The following SDK1 variants were observed in gnomAD, a reference collection of about 807,000 sequenced individuals.
SDK1 encodes the protein sidekick cell adhesion molecule 1, also known as protein sidekick-1.
Under a neutral mutation model 245.5 loss-of-function variants are expected in SDK1, and 157 were observed. The observed-to-expected ratio is 0.64, with a 90% CI of 0.56 to 0.73. The LOEUF (loss-of-function observed/expected upper bound fraction) is 0.73, where lower values mean the gene tolerates loss of function less well. Among genes scored for constraint, SDK1 ranks in the 30% least tolerant of loss-of-function variants. The pLI is 0.00. For synonymous variants in SDK1, 1,647 were observed against 1,278.5 expected, an observed-to-expected ratio of 1.29 and a Z score of -6.15; for missense variants, 3,583 against 3,002.3, an observed-to-expected ratio of 1.19 and a Z score of -4.52.
chr7:3,510,582 A>G (rs1782547263), intron 1 of SDK1, among the ~76,000 whole-genome samples: 1 of 152,190 alleles, frequency 6.6e-6, no homozygotes, highest in Admixed American at 6.5e-5. Flanking sequence ...AGGTTACAGA[A>G]AGAATACAGG....
chr7:4,217,321 CACCAGGCCACCCGGAGA>C (rs1784869358), intron 38 of SDK1, among the ~76,000 whole-genome samples: 1 of 124,762 alleles, frequency 8.0e-6, no homozygotes, highest in Non-Finnish European at 1.7e-5. Flanking sequence ...CCACCCGGAG[CACCAGGCCACCCGGAGA>C]ACCACGCCAC....
At chr7:3,487,401 A>G (rs1583934444) in intron 1 of SDK1, among the ~76,000 whole-genome samples, 1 of 152,094 alleles carries the variant, frequency 6.6e-6, no homozygotes, top group Non-Finnish European at 1.5e-5. Context: ...CAACAAGCAC[A>G]ATATTGTGAA....
intron 5 of SDK1, among the ~76,000 whole-genome samples, chr7:3,948,038 T>C (rs1040737512): frequency 3.9e-5 from 6 of 152,160 alleles, no homozygotes; most frequent in Non-Finnish European, 8.8e-5. Context: ...AGGAAGAAAA[T>C]ATACCAGGAT....
chr7:4,233,199 G>A (rs1305739675), intron 40 of SDK1, 56 bp from the exon 41 acceptor site: 7 of 1,550,434 alleles, frequency 4.5e-6, no homozygotes, highest in Middle Eastern at 3.4e-4. Flanking sequence ...CATGGGGCTC[G>A]CATCTGGGAC....
intron 9 of SDK1, among the ~76,000 whole-genome samples, chr7:3,966,120 C>T (rs969271442): frequency 3.3e-5 from 5 of 151,982 alleles, no homozygotes; most frequent in Non-Finnish European, 5.9e-5. Context: ...CTGACACAGG[C>T]ACAGAAGTGT....
intron 5 of SDK1, among the ~76,000 whole-genome samples, chr7:3,877,891 G>A (rs1374464205): frequency 6.8e-6 from 1 of 148,072 alleles, no homozygotes; most frequent in Non-Finnish European, 1.5e-5. Context: ...GTTACTTGCA[G>A]TGAACTGCAG....
intron 1 of SDK1, among the ~76,000 whole-genome samples, chr7:3,580,542 G>A (rs892282606): frequency 6.6e-6 from 1 of 152,142 alleles, no homozygotes; most frequent in East Asian, 1.9e-4. Flanking sequence ...AAGAAATGGG[G>A]AAAGGATTCC....
At chr7:3,955,429 AAG>A (rs1781182223) in intron 7 of SDK1, among the ~76,000 whole-genome samples, 1 of 152,180 alleles carries the variant, frequency 6.6e-6, no homozygotes, top group African/African-American at 2.4e-5. Flanking sequence ...CAGCGAATCC[AAG>A]AGAGTCTCCC....
chr7:4,101,304 G>A (rs997088014), intron 22 of SDK1, among the ~76,000 whole-genome samples: 8 of 152,114 alleles, frequency 5.3e-5, no homozygotes, highest in Admixed American at 2.6e-4. Flanking sequence ...ACCACACCAC[G>A]CCCGGCTAAT....
chr7:3,838,787 A>G (rs900832754), intron 5 of SDK1, among the ~76,000 whole-genome samples: 20 of 152,296 alleles, frequency 1.3e-4, no homozygotes, highest in African/African-American at 4.8e-4. Context: ...GTGGGTGTCG[A>G]TCAAAATGTT....
At chr7:3,735,322 G>C (rs1055523317) in intron 4 of SDK1, among the ~76,000 whole-genome samples, 3 of 152,088 alleles carry the variant, frequency 2.0e-5, no homozygotes, top group African/African-American at 7.2e-5. Flanking sequence ...GTGACTCTCT[G>C]ATTCCCCTTC....
chr7:3,435,279 C>T (rs907441202), intron 1 of SDK1, among the ~76,000 whole-genome samples: 12 of 145,566 alleles, frequency 8.2e-5, no homozygotes, highest in Non-Finnish European at 1.3e-4. Flanking sequence ...GTGTGATCAC[C>T]AAATCCACCT....
At chr7:3,410,846 C>T (rs572532997) in intron 1 of SDK1, among the ~76,000 whole-genome samples, 11 of 152,180 alleles carry the variant, frequency 7.2e-5, no homozygotes, top group African/African-American at 2.4e-4. Flanking sequence ...CTCGGCCTCC[C>T]ACGGTGCTGG....
chr7:3,473,249 A>T (rs1339620207), intron 1 of SDK1, among the ~76,000 whole-genome samples: 1 of 152,182 alleles, frequency 6.6e-6, no homozygotes, highest in Non-Finnish European at 1.5e-5. Flanking sequence ...CAAGCCTTTC[A>T]CTGTACACAC....
intron 5 of SDK1, among the ~76,000 whole-genome samples, chr7:3,946,358 T>A (rs958920141): frequency 1.7e-4 from 26 of 152,240 alleles, no homozygotes; most frequent in African/African-American, 6.0e-4. Flanking sequence ...AAAAATTATT[T>A]TTGTAGACAT....
chr7:3,929,285 G>A (rs760627980), intron 5 of SDK1, among the ~76,000 whole-genome samples: 26 of 152,102 alleles, frequency 1.7e-4, no homozygotes, highest in East Asian at 5.8e-4. Flanking sequence ...CAGATTCCTC[G>A]GTGTGTTGTG....
At chr7:3,642,371 A>G (rs568721460) in intron 4 of SDK1, among the ~76,000 whole-genome samples, 39 of 152,150 alleles carry the variant, frequency 2.6e-4, no homozygotes, top group African/African-American at 9.4e-4. Flanking sequence ...TTTGCAGTCC[A>G]TTTTTTTCTT....
In SDK1 at chr7:3,509,186, A is replaced by G. The variant is rs114528420; in HGVS notation, c.299-109894A>G. ...ATATTAAGTAAGATTAAGTTGTGTT[A>G]GACAATGGAGTCTTACACAGTGACT... On this transcript the variant is annotated intron_variant, in intron 1 of 44. Transcript: ENST00000404826. Among the ~76,000 whole-genome samples the G allele has an allele frequency of 2.1e-3, 313 of 152,260 alleles. 2 individuals carry two copies. Among genetic ancestry groups the G allele is most frequent in the African/African-American group, 7.2e-3 (301 of 41,554 alleles).
At chr7:3,894,675 A>G (rs1029237251) in intron 5 of SDK1, among the ~76,000 whole-genome samples, 1 of 152,018 alleles carries the variant, frequency 6.6e-6, no homozygotes, top group Non-Finnish European at 1.5e-5. Context: ...TATTGAAACT[A>G]AAGCAGAGTA....
Sources: gnomAD v4.1 joint callset for allele counts (sites outside exome capture counted in the v4.1 genomes callset) on GRCh38, gnomAD v4.1.1 for gene constraint, MANE v1.5 for transcripts, NCBI Gene and HGNC (gene_info 2026-07-23, HGNC 2026-07-21) for gene names.